Variants in ENDOD1 observed in about 807,000 individuals in gnomAD.
ENDOD1 encodes the protein endonuclease domain-containing 1 protein.
ENDOD1 carries 9 observed loss-of-function variants against 6.5 expected under a neutral mutation model. The observed-to-expected ratio is 1.39, with a 90% CI of 0.84 to 2.43. The LOEUF (loss-of-function observed/expected upper bound fraction) is 2.43. Among genes scored for constraint, ENDOD1 ranks in the 30% most tolerant of loss-of-function variants. The pLI is 0.00. For synonymous variants in ENDOD1, 255 were observed against 255.2 expected (o/e 1.00, Z 0.01); for missense variants, 648 against 635.5 (o/e 1.02, Z -0.21).
At chr11:95,105,761 T>A (rs1859083522) in intron 1 of ENDOD1, among the ~76,000 whole-genome samples, 1 of 152,254 alleles carries the variant, frequency 6.6e-6, no homozygotes, top group South Asian at 2.1e-4. Flanking sequence ...CATTCCTTTT[T>A]AATTTGCATT....
At chr11:95,115,880 AT>A (rs1275541078) in intron 1 of ENDOD1, among the ~76,000 whole-genome samples, 14 of 152,138 alleles carry the variant, frequency 9.2e-5, no homozygotes, top group Non-Finnish European at 1.3e-4. Flanking sequence ...GTATTATTGA[AT>A]TTGGCTTGCT....
intron 1 of ENDOD1, among the ~76,000 whole-genome samples, chr11:95,122,907 G>A (rs916122734): frequency 6.6e-6 from 1 of 152,096 alleles, no homozygotes; most frequent in Non-Finnish European, 1.5e-5. Context: ...AGGTCCTAGG[G>A]GCCGGGCGCC....
intron 1 of ENDOD1, among the ~76,000 whole-genome samples, chr11:95,091,700 G>A (rs1402967916): frequency 6.7e-6 from 1 of 148,840 alleles, no homozygotes; most frequent in African/African-American, 2.5e-5. Flanking sequence ...GTTAAATTCA[G>A]AACACATTTA....
At chr11:95,123,384 T>C (rs1859281282) in intron 1 of ENDOD1, among the ~76,000 whole-genome samples, 1 of 151,528 alleles carries the variant, frequency 6.6e-6, no homozygotes, top group African/African-American at 2.4e-5. Context: ...TTGTGGGTAA[T>C]AGTTAATACA....
rs1294852241 is a variant in ENDOD1, at chr11:95,128,788, A to G, written c.712A>G (p.Lys238Glu). 1.2e-6 allele frequency: 2 copies of G among 1,614,184 alleles called. No individual in the cohort carries two copies. The highest frequency in any genetic ancestry group is 1.7e-6 in the Non-Finnish European group (2 of 1,180,030). Residue 238 changes from lysine (K) to glutamate (E), a missense_variant, in exon 2 of 2, where the codon AAG becomes GAG. Lys to Glu is a moderately conservative substitution (Grantham distance 56). Transcript: ENST00000278505. Reference sequence around the variant, plus strand: ...AGGAGGCTGGGCCATGGGCTTTGTCAAGCACACCCGGGACAGTGACATCAT... The same window carrying G: ...AGGAGGCTGGGCCATGGGCTTTGTCGAGCACACCCGGGACAGTGACATCAT... ...PGGGWAMGFV[K>E]HTRDSDIIED...
At chr11:95,096,899 A>G (rs1858990736) in intron 1 of ENDOD1, among the ~76,000 whole-genome samples, 1 of 152,248 alleles carries the variant, frequency 6.6e-6, no homozygotes, top group Non-Finnish European at 1.5e-5. Flanking sequence ...ATGGTGGCTC[A>G]TGCCTGTAAT....
chr11:95,114,276 C>T (rs1253328973), intron 1 of ENDOD1, among the ~76,000 whole-genome samples: 1 of 147,572 alleles, frequency 6.8e-6, no homozygotes, highest in Non-Finnish European at 1.5e-5. Flanking sequence ...ACCACCATGC[C>T]TAGCTAATTT....
chr11:95,107,198 A>G (rs782454562), intron 1 of ENDOD1, among the ~76,000 whole-genome samples: 1 of 151,750 alleles, frequency 6.6e-6, no homozygotes, highest in Non-Finnish European at 1.5e-5. Context: ...TACTGGTTTA[A>G]GAAGTCTGGG....
At position 95,132,423 on chromosome 11, in the gene ENDOD1, C is replaced by T. The variant is rs555637758; in HGVS notation, c.*2844C>T. On this transcript the variant is annotated 3_prime_UTR_variant, in exon 2 of 2. Coordinates refer to ENST00000278505, the MANE Select transcript of ENDOD1 (RefSeq NM_015036.3). ...ATTTCATCTTTGAGGAGTTCAAAAC[C>T]TAGTGGAGAGAACACATGGTACAAT... The T allele has an allele frequency of 3.3e-5, 5 of 152,528 alleles. No homozygotes were observed. In the South Asian group the frequency reaches 1.0e-3, roughly 32 times the overall value. The allele number at this position is 152,528 out of a possible 1,614,324, so 9.4% of individuals were successfully genotyped here.
intron 1 of ENDOD1, among the ~76,000 whole-genome samples, chr11:95,102,571 C>G (rs113887160): frequency 0.013 from 2,021 of 152,210 alleles, 40 homozygotes; most frequent in African/African-American, 0.046. Context: ...ACTTGGGAGG[C>G]TGAGGTAGGA....
chr11:95,089,927 C>T lies in ENDOD1; in HGVS notation c.-1C>T, dbSNP rs1182500391. 4 of 1,417,684 alleles carry T rather than the reference C, an allele frequency of 2.8e-6. No homozygotes were observed. In the African/African-American group the frequency reaches 4.5e-5, roughly 16 times the overall value. The allele number at this position is 1,417,684 out of a possible 1,614,324, so 87.8% of individuals were successfully genotyped here. ...GCCCCGCCGCGCTCGCAGAGGCCGC[C>T]ATGGGCACCGCGCGCTGGCTCGCGC... is the stretch of plus-strand genomic sequence containing the variant. On this transcript the variant is annotated 5_prime_UTR_variant, in exon 1 of 2. Transcript: ENST00000278505.
At chr11:95,124,355 A>C (rs997213737) in intron 1 of ENDOD1, among the ~76,000 whole-genome samples, 18 of 152,240 alleles carry the variant, frequency 1.2e-4, no homozygotes, top group Non-Finnish European at 2.4e-4. Flanking sequence ...GGTAGTTCAA[A>C]AAATATTAGT....
intron 1 of ENDOD1, among the ~76,000 whole-genome samples, 168 bp from the exon 2 acceptor site, chr11:95,128,209 G>A (rs536312932): frequency 1.3e-5 from 2 of 152,146 alleles, no homozygotes; most frequent in Non-Finnish European, 2.9e-5. Flanking sequence ...CAGGATTTTG[G>A]TATATCAGAA....
Position 95,110,352 on chromosome 11 carries a change from C to T in ENDOD1, c.301-18025C>T, listed in dbSNP as rs541531914. Among the ~76,000 whole-genome samples, 9 of 152,276 alleles carry T rather than the reference C, an allele frequency of 5.9e-5. No individual in the cohort carries two copies. The South Asian group carries it at 1.7e-3, about 28-fold the overall frequency. ...GCCCATCTTCTTCTTCCATTGATCCCATCATGGTCACCAGTGTACTGATTA... is the reference window on the plus strand; with the variant it reads ...GCCCATCTTCTTCTTCCATTGATCCTATCATGGTCACCAGTGTACTGATTA... On this transcript the variant is annotated intron_variant, in intron 1 of 1. Transcript: ENST00000278505.
chr11:95,101,106 G>T (rs4611172), intron 1 of ENDOD1, among the ~76,000 whole-genome samples: 64,449 of 151,896 alleles, frequency 0.42, 15,829 homozygotes, highest in Non-Finnish European at 0.57. Context: ...AACTTGTTCT[G>T]TGAAGGGCTA....
chr11:95,098,969 A>G (rs1234251912), intron 1 of ENDOD1, among the ~76,000 whole-genome samples: 3 of 152,068 alleles, frequency 2.0e-5, no homozygotes, highest in Non-Finnish European at 4.4e-5. Context: ...TCACATGTTC[A>G]TTTACCAGGA....
rs756532795 is a variant in ENDOD1 at position 95,128,594 on chromosome 11, G to T, written c.518G>T (p.Arg173Leu). ...CCAATGACTCAGTCCTTCCAGGAAC[G>T]GTGGTATGTGAATCTCCACAGCCTA... is the stretch of plus-strand genomic sequence containing the variant. ...SAPMTQSFQE[R>L]WYVNLHSLMD... Residue 173 changes from arginine to leucine, a missense_variant, in exon 2 of 2, where the codon CGG becomes CTG. Coordinates refer to ENST00000278505, the MANE Select transcript of ENDOD1 (RefSeq NM_015036.3). 1.2e-6 allele frequency: 2 copies of T among 1,614,184 alleles called. No individual in the cohort carries two copies. The highest frequency in any genetic ancestry group is 1.1e-5 in the South Asian group (1 of 91,080).
intron 1 of ENDOD1, among the ~76,000 whole-genome samples, chr11:95,102,559 C>A (rs550780739): frequency 6.6e-6 from 1 of 152,082 alleles, no homozygotes; most frequent in Non-Finnish European, 1.5e-5. Context: ...GTAATCCCAG[C>A]TACTTGGGAG....
intron 1 of ENDOD1, among the ~76,000 whole-genome samples, chr11:95,127,574 G>T (rs1859323722): frequency 6.6e-6 from 1 of 152,188 alleles, no homozygotes; most frequent in Non-Finnish European, 1.5e-5. Context: ...ATCCGAAAAT[G>T]TGTAAACATT....
Sources: gnomAD v4.1 joint callset for allele counts (sites outside exome capture counted in the v4.1 genomes callset) on GRCh38, gnomAD v4.1.1 for gene constraint, MANE v1.5 for transcripts, NCBI Gene and HGNC (gene_info 2026-07-23, HGNC 2026-07-21) for gene names.